Variants in ESYT1 observed in about 807,000 individuals in gnomAD.
ESYT1 encodes extended synaptotagmin-1.
ESYT1 carries 116 observed loss-of-function variants against 154.2 expected under a neutral mutation model. The observed-to-expected ratio is 0.75, with a 90% CI of 0.65 to 0.88. The LOEUF (loss-of-function observed/expected upper bound fraction) is 0.88, where lower values mean the gene tolerates loss of function less well. Ranked by LOEUF, ESYT1 falls within the 40% of genes least tolerant of loss-of-function variation. The probability of loss-of-function intolerance (pLI) is 0.00; values close to 1 mark genes in which losing one functional copy is unlikely to be tolerated. For missense variants in ESYT1, 1,264 were observed against 1,379.3 expected, an observed-to-expected ratio of 0.92 and a Z score of 1.32; for synonymous variants, 500 against 539.9, an observed-to-expected ratio of 0.93 and a Z score of 1.02.
chr12:56,132,676 C>A, intron 9 of ESYT1, 43 bp from the exon 10 acceptor site: 1 of 1,613,558 alleles, frequency 6.2e-7, no homozygotes, highest in African/African-American at 1.3e-5. Context: ...ATGATCCTCA[C>A]AGCTGCAGCC....
chr12:56,128,387 C>T lies in ESYT1; in HGVS notation c.68C>T (p.Pro23Leu). Residue 23 changes from proline to leucine, a missense_variant, in exon 1 of 31, where the codon CCC becomes CTC. Physicochemically the swap from Pro to Leu is moderately conservative, Grantham distance 98. Transcript: ENST00000394048. ...GACCAGCCCTCTGCTCCCTCCGACC[C>T]CACTGACCAGCCCCCCGCTGCTCAC... ...PMDQPSAPSD[P>L]TDQPPAAHAK... The T allele has an allele frequency of 6.2e-7, 1 of 1,612,234 alleles. No individual in the cohort carries two copies. The highest frequency in any genetic ancestry group is 8.5e-7 in the Non-Finnish European group (1 of 1,179,162).
rs1393378512 is a variant in ESYT1, at chr12:56,143,350, G to T, written c.3225+17G>T. The T allele has an allele frequency of 3.7e-6, 6 of 1,611,704 alleles. No individual in the cohort carries two copies. The highest frequency in any genetic ancestry group is 4.2e-6 in the Non-Finnish European group (5 of 1,178,232). ...CTGGGGAAGGTAAGAGGGCAGGATG[G>T]CAGGGCAGAGGTGAGGGCTGGAAGC... On this transcript the variant is annotated intron_variant, in intron 29 of 30. Coordinates refer to ENST00000394048, the MANE Select transcript of ESYT1 (RefSeq NM_015292.3).
Position 56,142,218 on chromosome 12 carries a change from T to C in ESYT1, c.2593-67T>C. On this transcript the variant is annotated intron_variant, in intron 24 of 30. Coordinates refer to ENST00000394048, the MANE Select transcript of ESYT1 (RefSeq NM_015292.3). This position sits in a 1 kb window ranked among gnomAD's most constrained non-coding sequence, Gnocchi z 4.1. ...CTATGAGTCCAAGCGTTTGGACCTT[T>C]AAAACACCAGGATTAACTCATTTGT... 3.2e-6 allele frequency: 5 copies of C among 1,581,566 alleles called. No individual in the cohort carries two copies. The highest frequency in any genetic ancestry group is 3.4e-6 in the Non-Finnish European group (4 of 1,159,442).
chr12:56,144,206 A>G lies in ESYT1; in HGVS notation c.*344A>G. On this transcript the variant is annotated 3_prime_UTR_variant, in exon 31 of 31. Transcript: ENST00000394048. ...CTAGCAGTGGTATTAGCTTATGCCA[A>G]ATACAGCTTTGGAAGGATCTTTTTT... The G allele has an allele frequency of 8.4e-7, 1 of 1,197,466 alleles. No homozygotes were observed. 74.2% of individuals were successfully genotyped at this position (1,197,466 alleles called of 1,614,324 possible). A position where few individuals can be genotyped will look rare whatever the true frequency, so the allele number is the denominator to read the frequency against.
At chr12:56,130,420 CTG>C (rs900891084) in intron 1 of ESYT1, 160 bp from the exon 2 acceptor site, 3 of 779,534 alleles carry the variant, frequency 3.8e-6, no homozygotes, top group African/African-American at 3.4e-5. Context: ...CCCCCAAACT[CTG>C]TGAGGAATGA....
intron 24 of ESYT1, among the ~76,000 whole-genome samples, chr12:56,139,583 T>C (rs1839735924): frequency 6.8e-6 from 1 of 147,574 alleles, no homozygotes; most frequent in African/African-American, 2.6e-5. Flanking sequence ...ACCCCTGAGC[T>C]TGAGGGTAGA....
At position 56,131,781 on chromosome 12, in the gene ESYT1, C is replaced by T; in HGVS notation, c.837C>T (p.Asn279=). 1 of 1,614,186 alleles carries T rather than the reference C, an allele frequency of 6.2e-7. No homozygotes were observed. Among genetic ancestry groups the T allele is most frequent in the Non-Finnish European group, 8.5e-7 (1 of 1,180,036 alleles). Residue 279 remains asparagine, a synonymous_variant, in exon 7 of 31, where the codon AAC becomes AAT. Coordinates refer to ENST00000394048, the MANE Select transcript of ESYT1 (RefSeq NM_015292.3). Reference sequence around the variant, plus strand: ...ACATCAACTGGACAGGGATGACCAACCTGCTGGATATCCCAGGACTTAGGT... The same window carrying T: ...ACATCAACTGGACAGGGATGACCAATCTGCTGGATATCCCAGGACTTAGGT... ...TLDINWTGMT[N]LLDIPGLSSL... is the part of the protein sequence containing the mutation.
chr12:56,142,973 C>A lies in ESYT1; in HGVS notation c.2987+40C>A. The A allele has an allele frequency of 6.2e-7, 1 of 1,614,158 alleles. No individual in the cohort carries two copies. The highest frequency in any genetic ancestry group is 8.5e-7 in the Non-Finnish European group (1 of 1,180,024). ...CTCCTGTCCTCCAGATCGCCTCCAT[C>A]CCTTCCCTCAGGTTACCATATCACC... On this transcript the variant is annotated intron_variant, in intron 27 of 30. Coordinates refer to ENST00000394048, the MANE Select transcript of ESYT1 (RefSeq NM_015292.3). This position sits in a 1 kb window ranked among gnomAD's most constrained non-coding sequence, Gnocchi z 4.1.
In ESYT1 at chr12:56,132,275, G is replaced by A. The variant is rs1282393275; in HGVS notation, c.927G>A (p.Leu309=). Residue 309 remains leucine, a synonymous_variant, in exon 8 of 31, where the codon CTG becomes CTA. Coordinates refer to ENST00000394048, the MANE Select transcript of ESYT1 (RefSeq NM_015292.3). ...TCCTCGTGTTGCCCAACCGATTACT[G>A]GTGCCCCTTGTGCCTGACCTTCAAG... ...AAFLVLPNRL[L]VPLVPDLQDV... The A allele has an allele frequency of 6.2e-7, 1 of 1,614,048 alleles. No individual in the cohort carries two copies. The highest frequency in any genetic ancestry group is 1.1e-5 in the South Asian group (1 of 91,074).
Position 56,138,287 on chromosome 12 carries a change from T to C in ESYT1, c.2337+15T>C. 6.2e-7 allele frequency: 1 copy of C among 1,614,134 alleles called. No individual in the cohort carries two copies. On this transcript the variant is annotated intron_variant, in intron 21 of 30. Transcript: ENST00000394048. ...AGTTAGAGGAGGTAGGGCAGGAGAC[T>C]TGAGGAAGGAAGGGACCCAAGGTGG...
chr12:56,136,150 G>A (rs1012656302), intron 15 of ESYT1, among the ~76,000 whole-genome samples: 1 of 151,874 alleles, frequency 6.6e-6, no homozygotes, highest in Non-Finnish European at 1.5e-5. Flanking sequence ...ATAGGACTAA[G>A]GAGGGTCAGA....
intron 24 of ESYT1, among the ~76,000 whole-genome samples, chr12:56,140,975 A>G: frequency 6.6e-6 from 1 of 152,184 alleles, no homozygotes; most frequent in East Asian, 1.9e-4. Context: ...TTGGAATTTG[A>G]GATCTCTGCA....
Position 56,137,401 on chromosome 12 carries a change from G to A in ESYT1, c.1938+28G>A, listed in dbSNP as rs758737441. 19 of 1,613,728 alleles carry A rather than the reference G, an allele frequency of 1.2e-5. No homozygotes were observed. In the South Asian group the frequency reaches 1.8e-4, roughly 15 times the overall value. Reference sequence around the variant, plus strand: ...GAGTCTATATCTGGAAAGGACTAGGGTCTGTTTGCCCCGCTAAGTATGCAA... The same window carrying A: ...GAGTCTATATCTGGAAAGGACTAGGATCTGTTTGCCCCGCTAAGTATGCAA... On this transcript the variant is annotated intron_variant, in intron 17 of 30. Transcript: ENST00000394048.
intron 6 of ESYT1, 81 bp from the exon 7 acceptor site, chr12:56,131,668 G>T: frequency 6.2e-7 from 1 of 1,603,072 alleles, no homozygotes; most frequent in Non-Finnish European, 8.5e-7. Context: ...CTGACAAGAA[G>T]GCCGAGGGGT....
intron 15 of ESYT1, among the ~76,000 whole-genome samples, chr12:56,135,394 A>T (rs1331380061): frequency 1.3e-5 from 2 of 149,876 alleles, no homozygotes; most frequent in South Asian, 2.1e-4. Context: ...CTGGTCTCGA[A>T]CTCCCAACCT....
At position 56,138,431 on chromosome 12, in the gene ESYT1, A is replaced by T; in HGVS notation, c.2365A>T (p.Thr789Ser). The change falls in exon 22 of 31, where the codon ACT (threonine) becomes TCT (serine). Residue 789 changes from threonine to serine, a missense_variant. Transcript: ENST00000394048. ...GCTGCAGGTGAATAGTTTGATCCAG[A>T]CTCAGAAGAGTGCGGAGCTGGCTGC... Reference protein sequence around the residue: ...EVLQVNSLIQTQKSAELAAAL... With the variant: ...EVLQVNSLIQSQKSAELAAAL... 6.2e-7 allele frequency: 1 copy of T among 1,613,546 alleles called. No homozygotes were observed. The highest frequency in any genetic ancestry group is 8.5e-7 in the Non-Finnish European group (1 of 1,179,896).
chr12:56,131,804 G>C lies in ESYT1; in HGVS notation c.860G>C (p.Ser287Thr). The part of the protein sequence containing the change: ...MTNLLDIPGL[S>T]SLSDTMIMDS... ...AACCTGCTGGATATCCCAGGACTTAGGTATCAAGGACTTACTGAGCACCTG... is the reference window on the plus strand; with the variant it reads ...AACCTGCTGGATATCCCAGGACTTACGTATCAAGGACTTACTGAGCACCTG... Residue 287 changes from serine to threonine, a missense_variant and splice_region_variant, in exon 7 of 31, where the codon AGC becomes ACC. Physicochemically the swap from Ser to Thr is moderately conservative, Grantham distance 58. Transcript: ENST00000394048. 1 of 1,614,132 alleles carries C rather than the reference G, an allele frequency of 6.2e-7. No homozygotes were observed. The highest frequency in any genetic ancestry group is 8.5e-7 in the Non-Finnish European group (1 of 1,179,998).
intron 7 of ESYT1, 49 bp from the exon 8 acceptor site, chr12:56,132,160 A>G (rs369432471): frequency 5.6e-5 from 90 of 1,613,420 alleles, no homozygotes; most frequent in Non-Finnish European, 1.1e-5. Context: ...GGGTTAGGAG[A>G]AAATTGGAAG....
intron 7 of ESYT1, 132 bp from the exon 8 acceptor site, chr12:56,132,077 G>C: frequency 7.2e-7 from 1 of 1,392,648 alleles, no homozygotes; most frequent in East Asian, 2.3e-5. Flanking sequence ...GGGTAGAAGA[G>C]TAGCACAAAG....
Sources: allele counts gnomAD v4.1 joint callset (sites outside exome capture counted in the v4.1 genomes callset), GRCh38; gene constraint gnomAD v4.1.1; non-coding constraint Gnocchi (gnomAD v3.1); transcripts MANE v1.5; gene names NCBI Gene and HGNC (gene_info 2026-07-23, HGNC 2026-07-21).